Variants in FRMD8 observed in about 807,000 individuals in gnomAD.
FRMD8 encodes the protein FERM domain-containing protein 8.
FRMD8 carries 37 observed loss-of-function variants against 54.2 expected under a neutral mutation model. That is an observed-to-expected ratio of 0.68 (90% CI 0.53 to 0.90). The LOEUF (loss-of-function observed/expected upper bound fraction) is 0.90. FRMD8 is among the 40% of genes least tolerant of loss of function. The pLI is 0.00. For synonymous variants in FRMD8, 246 were observed against 286.9 expected, an observed-to-expected ratio of 0.86 and a Z score of 1.44; for missense variants, 585 against 653.7, an observed-to-expected ratio of 0.89 and a Z score of 1.15.
rs953592802 is a variant in FRMD8, at chr11:65,389,382, T to C, written c.107T>C (p.Leu36Pro). The change falls in exon 3 of 11, where the codon CTA (leucine) becomes CCA (proline). Residue 36 changes from leucine to proline, a missense_variant. Physicochemically the swap from Leu to Pro is moderately conservative, Grantham distance 98. Transcript: ENST00000317568. ...ACAGCGGCTGACGTGCTGGTATACC[T>C]AGCGGATGACACGGTGGTGCCCCTG... Reference protein sequence around the residue: ...GARAADVLVYLADDTVVPLAV... With the variant: ...GARAADVLVYPADDTVVPLAV... 3 of 1,610,708 alleles carry C rather than the reference T, an allele frequency of 1.9e-6. No homozygotes were observed. Among genetic ancestry groups the C allele is most frequent in the Non-Finnish European group, 2.5e-6 (3 of 1,179,978 alleles).
chr11:65,368,832 G>C, the FRMD8 span, among the ~76,000 whole-genome samples: 5 of 152,164 alleles, frequency 3.3e-5, no homozygotes, highest in African/African-American at 9.7e-5. Flanking sequence ...CAAAGTGCTG[G>C]GATTACAGGC....
intron 4 of FRMD8, 71 bp downstream of exon 4, chr11:65,393,745 C>A: frequency 7.5e-7 from 1 of 1,326,730 alleles, no homozygotes; most frequent in South Asian, 1.2e-5. Flanking sequence ...CCAGCCCAGC[C>A]AGGGCCCTGC....
chr11:65,381,821 G>C, upstream of FRMD8: 1 of 1,525,380 alleles, frequency 6.6e-7, no homozygotes, highest in Non-Finnish European at 9.1e-7. Flanking sequence ...CCGGAACTCA[G>C]ACTTTGGTCT....
intron 7 of FRMD8, among the ~76,000 whole-genome samples, chr11:65,399,444 C>G (rs1478832178): frequency 6.6e-6 from 1 of 152,146 alleles, no homozygotes; most frequent in African/African-American, 2.4e-5. Flanking sequence ...GACCAAGTGC[C>G]AAACCCACGA....
chr11:65,397,410 C>T (rs1281556681), intron 7 of FRMD8, among the ~76,000 whole-genome samples: 1 of 152,270 alleles, frequency 6.6e-6, no homozygotes, highest in Non-Finnish European at 1.5e-5. Flanking sequence ...CCTGATGAAG[C>T]TGATGTTCTA....
At chr11:65,402,637 A>C (rs148459737) in intron 9 of FRMD8, among the ~76,000 whole-genome samples, 58 of 152,294 alleles carry the variant, frequency 3.8e-4, no homozygotes, top group Admixed American at 2.6e-3. Context: ...CCCCCCAAAA[A>C]AAGGCTACCT....
In FRMD8 at chr11:65,412,822, G is replaced by T. The variant is rs1229271121; in HGVS notation, c.*1462G>T. 1 of 152,200 alleles carries T rather than the reference G, an allele frequency of 6.6e-6. No homozygotes were observed. The highest frequency in any genetic ancestry group is 1.5e-5 in the Non-Finnish European group (1 of 68,052). 9.4% of individuals were successfully genotyped at this position (152,200 alleles called of 1,614,324 possible). A position where few individuals can be genotyped will look rare whatever the true frequency, so the allele number is the denominator to read the frequency against. ...TTAAAATAATAGGCGGAAAGAAGAG[G>T]CCTGGGAAGGGCCCCCAGTCTTTTG... On this transcript the variant is annotated 3_prime_UTR_variant, in exon 11 of 11. Coordinates refer to ENST00000317568, the MANE Select transcript of FRMD8 (RefSeq NM_031904.5).
At chr11:65,375,662 G>A in the FRMD8 span, 2 of 152,438 alleles carry the variant, frequency 1.3e-5, no homozygotes, top group South Asian at 2.1e-4. Context: ...GAAGGATTCT[G>A]GGGGAGGAGA....
At chr11:65,376,275 G>A in the FRMD8 span, 15 of 1,154,478 alleles carry the variant, frequency 1.3e-5, no homozygotes, top group Admixed American at 4.4e-5. Flanking sequence ...AGATCTGCGC[G>A]GGTGGGAGGC....
At chr11:65,379,959 G>A in the FRMD8 span, 4 of 1,614,140 alleles carry the variant, frequency 2.5e-6, no homozygotes, top group Non-Finnish European at 2.5e-6. Flanking sequence ...GGACAGAGCA[G>A]GTAGGGTGGC....
Position 65,404,441 on chromosome 11 carries a change from C to T in FRMD8, c.1072-423C>T, listed in dbSNP as rs2137924896. Among the ~76,000 whole-genome samples, 1 of 152,158 alleles carries T rather than the reference C, an allele frequency of 6.6e-6. No individual in the cohort carries two copies. Among genetic ancestry groups the T allele is most frequent in the Admixed American group, 6.5e-5 (1 of 15,292 alleles). On this transcript the variant is annotated intron_variant, in intron 9 of 10. Coordinates refer to ENST00000317568, the MANE Select transcript of FRMD8 (RefSeq NM_031904.5). This position sits in a 1 kb window ranked among gnomAD's most constrained non-coding sequence, Gnocchi z 4.7. ...GAACGTGCTGGCAGGGAGCCGCCCG[C>T]CCCTGCCCTGGTGACATCGCGCCCC...
At chr11:65,377,146 G>A in the FRMD8 span, 2 of 1,533,546 alleles carry the variant, frequency 1.3e-6, no homozygotes, top group South Asian at 1.3e-5. Flanking sequence ...ATATTCACAA[G>A]AGGAAGGAGG....
chr11:65,389,621 G>A, intron 3 of FRMD8, 93 bp downstream of exon 3: 3 of 1,326,708 alleles, frequency 2.3e-6, no homozygotes, highest in South Asian at 1.4e-5. Flanking sequence ...CCGCTGGGGA[G>A]CCGCTGGCCA....
At chr11:65,376,864 G>A in the FRMD8 span, 4 of 1,614,202 alleles carry the variant, frequency 2.5e-6, no homozygotes, top group Admixed American at 5.0e-5. Context: ...GCCCTTCATA[G>A]GTGATGAAGT....
Position 65,399,866 on chromosome 11 carries a change from C to A in FRMD8, c.927+7C>A. The stretch of plus-strand genomic sequence containing the variant: ...CATCGATAGCAGAGAGAAGGTACTG[C>A]CCCCAGCTCCTCCAGGGTGGAGAGG... On this transcript the variant is annotated splice_region_variant and intron_variant, in intron 8 of 10. Coordinates refer to ENST00000317568, the MANE Select transcript of FRMD8 (RefSeq NM_031904.5). 6.2e-7 allele frequency: 1 copy of A among 1,609,404 alleles called. No individual in the cohort carries two copies. The highest frequency in any genetic ancestry group is 1.1e-5 in the South Asian group (1 of 90,450).
chr11:65,391,809 C>T (rs913006706), intron 3 of FRMD8, among the ~76,000 whole-genome samples: 8 of 152,326 alleles, frequency 5.3e-5, no homozygotes, highest in African/African-American at 1.9e-4. Context: ...TCACGCCCGG[C>T]CACCATTGGA....
rs1447936492 is a variant in FRMD8 at position 65,413,112 on chromosome 11, C to A, written c.*1752C>A. 1 of 152,318 alleles carries A rather than the reference C, an allele frequency of 6.6e-6. No individual in the cohort carries two copies. Among genetic ancestry groups the A allele is most frequent in the Non-Finnish European group, 1.5e-5 (1 of 68,140 alleles). The allele number at this position is 152,318 out of a possible 1,614,324, so 9.4% of individuals were successfully genotyped here. On this transcript the variant is annotated 3_prime_UTR_variant, in exon 11 of 11. Coordinates refer to ENST00000317568, the MANE Select transcript of FRMD8 (RefSeq NM_031904.5). ...CAAGCGATTCTCCTGCCTCAGCCTC[C>A]TGAGTAGCTGGGATTACAGGTGCAT...
the FRMD8 span, among the ~76,000 whole-genome samples, chr11:65,369,827 G>GT: frequency 2.0e-5 from 3 of 151,080 alleles, no homozygotes; most frequent in African/African-American, 7.3e-5. Flanking sequence ...GAGGTCAGGA[G>GT]TTTGAGACCA....
chr11:65,388,592 G>T (rs1254361091), intron 2 of FRMD8, among the ~76,000 whole-genome samples: 5 of 152,170 alleles, frequency 3.3e-5, no homozygotes, highest in African/African-American at 4.8e-5. Context: ...CACCATGCCT[G>T]CAGTCTCAGG....
Sources: allele counts gnomAD v4.1 joint callset (sites outside exome capture counted in the v4.1 genomes callset), GRCh38; gene constraint gnomAD v4.1.1; non-coding constraint Gnocchi (gnomAD v3.1); transcripts MANE v1.5; gene names NCBI Gene and HGNC (gene_info 2026-07-23, HGNC 2026-07-21).